The following HECW2 variants were observed in gnomAD, a reference collection of about 807,000 sequenced individuals.
The protein encoded by HECW2 is E3 ubiquitin-protein ligase HECW2.
In HECW2, 61 loss-of-function variants were observed where a neutral mutation model predicts 175.2. The observed-to-expected ratio is 0.35, with a 90% CI of 0.28 to 0.43. The LOEUF (loss-of-function observed/expected upper bound fraction) is 0.43, where lower values mean the gene tolerates loss of function less well. Among genes scored for constraint, HECW2 ranks in the 20% least tolerant of loss-of-function variants. The pLI is 1.00. For synonymous variants in HECW2, 671 were observed against 731.0 expected (o/e 0.92, Z 1.32); for missense variants, 1,524 against 2,000.5 (o/e 0.76, Z 4.54).
At chr2:196,486,837 T>C (rs1687023108) in intron 1 of HECW2, among the ~76,000 whole-genome samples, 1 of 152,200 alleles carries the variant, frequency 6.6e-6, no homozygotes, top group African/African-American at 2.4e-5. Flanking sequence ...TTCACCTCTA[T>C]TCACTAAAAT....
At chr2:196,361,702 T>G in intron 2 of HECW2, 1 of 725,736 alleles carries the variant, frequency 1.4e-6, no homozygotes, top group Non-Finnish European at 1.7e-6. Flanking sequence ...GGGGACCACT[T>G]TTAAGAGCTT....
chr2:196,362,603 G>C (rs564111592), intron 2 of HECW2, among the ~76,000 whole-genome samples: 1 of 152,154 alleles, frequency 6.6e-6, no homozygotes, highest in Non-Finnish European at 1.5e-5. Flanking sequence ...AAGGACTAAA[G>C]CTTTTTCAAA....
chr2:196,324,131 G>T (rs1158487713), intron 6 of HECW2, among the ~76,000 whole-genome samples: 1 of 151,982 alleles, frequency 6.6e-6, no homozygotes, highest in Non-Finnish European at 1.5e-5. Flanking sequence ...CTACAATATT[G>T]TTAGAACATA....
At chr2:196,246,382 A>G (rs1201241711) in intron 19 of HECW2, among the ~76,000 whole-genome samples, 1 of 152,098 alleles carries the variant, frequency 6.6e-6, no homozygotes, top group Non-Finnish European at 1.5e-5. Context: ...TTAAGACACA[A>G]AAGAAACTTT....
At chr2:196,425,020 G>A (rs1302754307) in intron 2 of HECW2, among the ~76,000 whole-genome samples, 2 of 151,972 alleles carry the variant, frequency 1.3e-5, no homozygotes, top group African/African-American at 2.4e-5. Context: ...TCATACAGCT[G>A]GTGACTTTAA....
chr2:196,523,025 G>C (rs1688470037), intron 1 of HECW2, among the ~76,000 whole-genome samples: 1 of 151,370 alleles, frequency 6.6e-6, no homozygotes, highest in Admixed American at 6.6e-5. Flanking sequence ...AACGTCATTG[G>C]TAGCTTGATG....
chr2:196,248,685 A>G (rs6434834), intron 19 of HECW2, among the ~76,000 whole-genome samples: 21,609 of 150,544 alleles, frequency 0.14, 3,412 homozygotes, highest in African/African-American at 0.4. Context: ...GAGAGAGAGA[A>G]TGAGCAGAGA....
At chr2:196,534,146 T>C (rs1688938058) in intron 1 of HECW2, among the ~76,000 whole-genome samples, 1 of 152,220 alleles carries the variant, frequency 6.6e-6, no homozygotes, top group Non-Finnish European at 1.5e-5. Context: ...GAAAGTAGTA[T>C]GTATAATTTT....
At chr2:196,264,129 C>A (rs1323138447) in intron 17 of HECW2, 3 of 152,136 alleles carry the variant, frequency 2.0e-5, no homozygotes, top group Admixed American at 2.0e-4. Context: ...GCTTCTGATT[C>A]AGTAACTGGG....
intron 2 of HECW2, among the ~76,000 whole-genome samples, chr2:196,403,639 T>C (rs938965180): frequency 6.6e-6 from 1 of 152,162 alleles, no homozygotes; most frequent in African/African-American, 2.4e-5. Flanking sequence ...TGTGAAAAAA[T>C]TCTAAAGCTT....
At chr2:196,437,703 G>A (rs1695921340) in intron 1 of HECW2, among the ~76,000 whole-genome samples, 1 of 151,954 alleles carries the variant, frequency 6.6e-6, no homozygotes. Flanking sequence ...AAGATACTGA[G>A]GCTCCATGAG....
intron 2 of HECW2, among the ~76,000 whole-genome samples, chr2:196,363,888 C>T (rs1198592494): frequency 6.6e-6 from 1 of 152,128 alleles, no homozygotes; most frequent in Non-Finnish European, 1.5e-5. Flanking sequence ...TATATTTCCT[C>T]TTTTTGGCAT....
chr2:196,308,702 G>A (rs1471292044), intron 10 of HECW2, among the ~76,000 whole-genome samples: 2 of 152,094 alleles, frequency 1.3e-5, no homozygotes, highest in Non-Finnish European at 2.9e-5. Flanking sequence ...TAAACATAAC[G>A]TTTTAAAAGA....
intron 5 of HECW2, among the ~76,000 whole-genome samples, chr2:196,325,768 G>A (rs1055977051): frequency 2.0e-5 from 3 of 152,222 alleles, no homozygotes; most frequent in Non-Finnish European, 1.5e-5. Context: ...TTTCTGAAAT[G>A]TAAGTGCTAC....
intron 19 of HECW2, among the ~76,000 whole-genome samples, chr2:196,246,282 C>G (rs921345062): frequency 2.0e-5 from 3 of 152,136 alleles, no homozygotes; most frequent in Admixed American, 6.5e-5. Flanking sequence ...CCAGACAGGG[C>G]AGAACGCAGC....
chr2:196,271,271 A>G lies in HECW2; in HGVS notation c.3257T>C (p.Val1086Ala). ...GATATTGGGTTGACGTAGAAATGCAACAATCTTGTCATTGTAAGCTGAAAA... is the reference window on the plus strand; with the variant it reads ...GATATTGGGTTGACGTAGAAATGCAGCAATCTTGTCATTGTAAGCTGAAAA... ...MVPVAYNDKIVAFLRQPNIFE... is the reference protein window; with the variant it reads ...MVPVAYNDKIAAFLRQPNIFE... The change falls in exon 17 of 29, where the codon GTT becomes GCT. Residue 1086 changes from valine to alanine, a missense_variant. This residue lies in a region of HECW2 where 291 missense variants were observed against 412.2 expected (regional missense o/e 0.71). Transcript: ENST00000644978. 1.2e-6 allele frequency: 2 copies of G among 1,607,876 alleles called. No individual in the cohort carries two copies. Among genetic ancestry groups the G allele is most frequent in the African/African-American group, 1.3e-5 (1 of 74,884 alleles).
intron 14 of HECW2, among the ~76,000 whole-genome samples, chr2:196,278,869 G>A (rs1690078644): frequency 6.6e-6 from 1 of 152,100 alleles, no homozygotes; most frequent in African/African-American, 2.4e-5. Flanking sequence ...CCAGAACGAA[G>A]AGAGCAGGAA....
intron 1 of HECW2, among the ~76,000 whole-genome samples, chr2:196,514,670 T>C (rs958073197): frequency 5.3e-5 from 8 of 152,124 alleles, no homozygotes; most frequent in Non-Finnish European, 1.2e-4. Context: ...GGGCAGATGA[T>C]GGAACAACCC....
intron 1 of HECW2, among the ~76,000 whole-genome samples, chr2:196,456,350 T>C (rs1213222456): frequency 6.6e-6 from 1 of 152,242 alleles, no homozygotes; most frequent in Non-Finnish European, 1.5e-5. Flanking sequence ...AGCCAGACTC[T>C]AAGCTATGAG....
Sources: gnomAD v4.1 joint callset for allele counts (sites outside exome capture counted in the v4.1 genomes callset) on GRCh38, gnomAD v4.1.1 for gene constraint, gnomAD v4.1.1 regional missense constraint, MANE v1.5 for transcripts, NCBI Gene and HGNC (gene_info 2026-07-23, HGNC 2026-07-21) for gene names.